The following TUBB3 variants were observed in gnomAD, a reference collection of about 807,000 sequenced individuals.
TUBB3 encodes the protein tubulin beta-3 chain.
In TUBB3, 17 loss-of-function variants were observed where a neutral mutation model predicts 37.8. That is an observed-to-expected ratio of 0.45 (90% CI 0.31 to 0.67). TUBB3 has a LOEUF of 0.67. Among genes scored for constraint, TUBB3 ranks in the 30% least tolerant of loss-of-function variants. The probability of loss-of-function intolerance (pLI) is 0.07; values close to 1 mark genes in which losing one functional copy is unlikely to be tolerated. For missense variants in TUBB3, 262 were observed against 657.9 expected, an observed-to-expected ratio of 0.40 and a Z score of 6.58; for synonymous variants, 332 against 278.9, an observed-to-expected ratio of 1.19 and a Z score of -1.90.
At chr16:89,932,214 T>G in intron 1 of TUBB3, 1 of 357,882 alleles carries the variant, frequency 2.8e-6, no homozygotes, top group South Asian at 2.4e-5. Flanking sequence ...AAAGAGGGGA[T>G]AGTAAAAACT....
chr16:89,933,379 G>A lies in TUBB3; in HGVS notation c.167-89G>A, dbSNP rs189640623. ...CAGGCTCTTAGGATGTGAGCAGGAG[G>A]ATGGCAGGCGGGCACAGAATTCAGA... On this transcript the variant is annotated intron_variant, in intron 2 of 3. Transcript: ENST00000315491. The A allele has an allele frequency of 5.1e-5, 55 of 1,075,602 alleles. 1 individual carries two copies. In the Admixed American group the frequency reaches 7.4e-4, roughly 15 times the overall value. 66.6% of individuals were successfully genotyped at this position (1,075,602 alleles called of 1,614,324 possible). A position where few individuals can be genotyped will look rare whatever the true frequency, so the allele number is the denominator to read the frequency against.
At chr16:89,930,017 TTCCTTCC>T (rs2030225063) in intron 1 of TUBB3, among the ~76,000 whole-genome samples, 1 of 6,094 alleles carries the variant, frequency 1.6e-4, no homozygotes, top group Admixed American at 3.7e-3. Context: ...TTTTCTCCCC[TTCCTTCC>T]TTCCTTCCTT....
At chr16:89,928,877 T>C (rs1018895036) in intron 1 of TUBB3, among the ~76,000 whole-genome samples, 1 of 151,898 alleles carries the variant, frequency 6.6e-6, no homozygotes, top group Non-Finnish European at 1.5e-5. Flanking sequence ...TTGGTCAGGC[T>C]GGTCTCGAAC....
At position 89,932,713 on chromosome 16, in the gene TUBB3, C is replaced by G. The variant is rs1363478441; in HGVS notation, c.166+34C>G. 4 of 1,559,964 alleles carry G rather than the reference C, an allele frequency of 2.6e-6. No individual in the cohort carries two copies. In the South Asian group the frequency reaches 3.4e-5, roughly 13 times the overall value. On this transcript the variant is annotated intron_variant, in intron 2 of 3. Coordinates refer to ENST00000315491, the MANE Select transcript of TUBB3 (RefSeq NM_006086.4). Reference sequence around the variant, plus strand: ...CTGCCCCAGCCTCCCTATCCCAGCCCTGGACTGACCAGGTCTCAGCGTCTG... The same window carrying G: ...CTGCCCCAGCCTCCCTATCCCAGCCGTGGACTGACCAGGTCTCAGCGTCTG...
At chr16:89,930,978 C>T (rs1030356101) in intron 1 of TUBB3, among the ~76,000 whole-genome samples, 3 of 152,130 alleles carry the variant, frequency 2.0e-5, no homozygotes, top group African/African-American at 7.2e-5. Context: ...CAGGCACCCG[C>T]CACCATTCCC....
chr16:89,925,525 G>A (rs1002897075), intron 1 of TUBB3, among the ~76,000 whole-genome samples: 1 of 152,110 alleles, frequency 6.6e-6, no homozygotes, highest in Non-Finnish European at 1.5e-5. Context: ...CAGCGTGGGA[G>A]GTCGAGGCTG....
Position 89,932,608 on chromosome 16 carries a change from C to T in TUBB3, c.95C>T (p.Pro32Leu). Residue 32 changes from proline to leucine, a missense_variant, in exon 2 of 4, where the codon CCC (proline) becomes CTC (leucine). Transcript: ENST00000315491. ...ATCAGTGATGAGCATGGCATCGACC[C>T]CAGCGGCAACTACGTGGGCGACTCG... Reference protein sequence around the residue: ...EVISDEHGIDPSGNYVGDSDL... With the variant: ...EVISDEHGIDLSGNYVGDSDL... 6.2e-7 allele frequency: 1 copy of T among 1,614,136 alleles called. No individual in the cohort carries two copies. The highest frequency in any genetic ancestry group is 8.5e-7 in the Non-Finnish European group (1 of 1,180,040).
At chr16:89,922,565 C>G (rs2029919237), upstream of TUBB3, 1 of 152,148 alleles carries the variant, frequency 6.6e-6, no homozygotes, top group Admixed American at 6.5e-5. Context: ...CCCACCCTGG[C>G]CGGGTTCTTG....
At chr16:89,932,006 A>G (rs2030297839) in intron 1 of TUBB3, 1 of 273,828 alleles carries the variant, frequency 3.7e-6, no homozygotes, top group Non-Finnish European at 7.6e-6. Flanking sequence ...CCCCGATGAG[A>G]CTGGCTCTCA....
chr16:89,923,296 A>C (rs2029949375), upstream of TUBB3: 3 of 959,434 alleles, frequency 3.1e-6, no homozygotes, highest in African/African-American at 5.3e-5. Context: ...GCCGATGCGA[A>C]GGGCGGGGCC....
At chr16:89,922,138 C>A (rs3212375), upstream of TUBB3, 423 of 152,644 alleles carry the variant, frequency 2.8e-3, 3 homozygotes, top group African/African-American at 9.8e-3. Context: ...ATCCATTTCT[C>A]GACTTTCCAA....
At chr16:89,922,942 C>T (rs2029931898), upstream of TUBB3, among the ~76,000 whole-genome samples, 1 of 152,268 alleles carries the variant, frequency 6.6e-6, no homozygotes, top group African/African-American at 2.4e-5. Flanking sequence ...GCGGGTTGGT[C>T]TCTAAACCGG....
chr16:89,923,716 C>T (rs35969830), intron 1 of TUBB3, among the ~76,000 whole-genome samples: 1 of 152,204 alleles, frequency 6.6e-6, no homozygotes, highest in Non-Finnish European at 1.5e-5. Context: ...CCCTCCACAC[C>T]TGCGCCCCCT....
In TUBB3 at chr16:89,933,409, A is replaced by T. The variant is rs140998634; in HGVS notation, c.167-59A>T. 4.5e-4 allele frequency: 605 copies of T among 1,350,498 alleles called. 3 individuals are homozygous for T. The African/African-American group carries it at 7.5e-3, about 17-fold the overall frequency. The allele number at this position is 1,350,498 out of a possible 1,614,324, so 83.7% of individuals were successfully genotyped here. Reference sequence around the variant, plus strand: ...CAGGCGGGCACAGAATTCAGAAAGAATGAGGGAGAGGCTCTGGCCCTCTGT... The same window carrying T: ...CAGGCGGGCACAGAATTCAGAAAGATTGAGGGAGAGGCTCTGGCCCTCTGT... On this transcript the variant is annotated intron_variant, in intron 2 of 3. Coordinates refer to ENST00000315491, the MANE Select transcript of TUBB3 (RefSeq NM_006086.4).
intron 1 of TUBB3, among the ~76,000 whole-genome samples, chr16:89,930,208 A>G (rs1030637685): frequency 6.8e-6 from 1 of 146,390 alleles, no homozygotes; most frequent in African/African-American, 2.5e-5. Flanking sequence ...GGGTTCAAGC[A>G]ATTCTCCTGC....
chr16:89,933,166 G>A (rs753275862), intron 2 of TUBB3: 3 of 646,940 alleles, frequency 4.6e-6, no homozygotes, highest in East Asian at 3.2e-5. Flanking sequence ...GGACTCAAGC[G>A]ATCCACCTGC....
At chr16:89,928,045 C>T (rs2030148200) in intron 1 of TUBB3, among the ~76,000 whole-genome samples, 1 of 151,958 alleles carries the variant, frequency 6.6e-6, no homozygotes, top group South Asian at 2.1e-4. Flanking sequence ...CTTGGACAAG[C>T]CCCAAATGCC....
intron 1 of TUBB3, 23 bp from the exon 2 acceptor site, chr16:89,932,548 C>G (rs2030314895): frequency 6.2e-7 from 1 of 1,606,924 alleles, no homozygotes; most frequent in Non-Finnish European, 8.5e-7. Context: ...GTGCCGACCC[C>G]CCCTCTCCCA....
intron 1 of TUBB3, among the ~76,000 whole-genome samples, chr16:89,924,235 G>T (rs2029991335): frequency 6.6e-6 from 1 of 152,148 alleles, no homozygotes; most frequent in East Asian, 1.9e-4. Flanking sequence ...GCAGAAAGGG[G>T]CGTTGGTGCA....
Sources: gnomAD v4.1 joint callset for allele counts (sites outside exome capture counted in the v4.1 genomes callset) on GRCh38, gnomAD v4.1.1 for gene constraint, MANE v1.5 for transcripts, NCBI Gene and HGNC (gene_info 2026-07-23, HGNC 2026-07-21) for gene names.